Variants in OR51B5 observed in about 807,000 individuals in gnomAD.
The protein encoded by OR51B5 is olfactory receptor family 51 subfamily B member 5.
For missense variants in OR51B5, 456 were observed against 374.6 expected, an observed-to-expected ratio of 1.22 and a Z score of -1.79; for synonymous variants, 186 against 144.8, an observed-to-expected ratio of 1.28 and a Z score of -2.04.
At chr11:5,489,133 G>A in intron 1 of OR51B5, 1 of 1,614,016 alleles carries the variant, frequency 6.2e-7, no homozygotes, top group South Asian at 1.1e-5. Context: ...CAACCATGCT[G>A]TCATAGGCAG....
At chr11:5,360,822 A>T (rs61891983) in intron 1 of OR51B5, among the ~76,000 whole-genome samples, 23,521 of 143,732 alleles carry the variant, frequency 0.16, 2,115 homozygotes, top group Middle Eastern at 0.32. Context: ...TAAAAAATGA[A>T]GAGTTCATGT....
chr11:5,446,055 T>C (rs964823483), intron 1 of OR51B5, among the ~76,000 whole-genome samples: 1 of 151,782 alleles, frequency 6.6e-6, no homozygotes, highest in Admixed American at 6.6e-5. Flanking sequence ...AATTGAACAA[T>C]GAGAACATTT....
intron 1 of OR51B5, among the ~76,000 whole-genome samples, chr11:5,491,612 G>T (rs1484857129): frequency 1.3e-5 from 2 of 152,210 alleles, no homozygotes; most frequent in African/African-American, 4.8e-5. Flanking sequence ...GCCCAGATAA[G>T]AAGACACGGG....
chr11:5,474,593 T>G (rs891743958), intron 1 of OR51B5, among the ~76,000 whole-genome samples: 3 of 152,208 alleles, frequency 2.0e-5, no homozygotes, highest in African/African-American at 7.2e-5. Context: ...GTTTGTTGTT[T>G]ACCCAGAAAT....
At chr11:5,422,432 A>T in intron 1 of OR51B5, 2 of 1,614,054 alleles carry the variant, frequency 1.2e-6, no homozygotes, top group Non-Finnish European at 1.7e-6. Flanking sequence ...TCTCACCCTC[A>T]CCACCCTACC....
intron 1 of OR51B5, among the ~76,000 whole-genome samples, chr11:5,498,999 C>G (rs1851685975): frequency 6.6e-6 from 1 of 152,180 alleles, no homozygotes; most frequent in African/African-American, 2.4e-5. Flanking sequence ...GGTCAGGGAG[C>G]TATTATTCCG....
intron 1 of OR51B5, among the ~76,000 whole-genome samples, chr11:5,402,057 G>A (rs1849979070): frequency 6.6e-6 from 1 of 150,606 alleles, no homozygotes; most frequent in Non-Finnish European, 1.5e-5. Flanking sequence ...TGTTACCCAG[G>A]CATAAGTGTA....
At chr11:5,432,810 C>A (rs572390626) in intron 1 of OR51B5, among the ~76,000 whole-genome samples, 1 of 152,280 alleles carries the variant, frequency 6.6e-6, no homozygotes, top group Non-Finnish European at 1.5e-5. Flanking sequence ...GATTCATGAT[C>A]TTCTCTTGTA....
At chr11:5,351,970 A>G in intron 1 of OR51B5, 2 of 1,613,202 alleles carry the variant, frequency 1.2e-6, no homozygotes, top group South Asian at 1.1e-5. Context: ...TCTGTCCATT[A>G]TGCCAATAGT....
intron 1 of OR51B5, among the ~76,000 whole-genome samples, chr11:5,397,940 C>G (rs1311267986): frequency 1.8e-5 from 2 of 108,890 alleles, no homozygotes; most frequent in Non-Finnish European, 3.7e-5. Flanking sequence ...TCTCAGCAAA[C>G]TATCACAAGG....
chr11:5,364,662 TC>T (rs56914011), intron 1 of OR51B5, among the ~76,000 whole-genome samples: 27,681 of 152,104 alleles, frequency 0.18, 2,729 homozygotes, highest in Middle Eastern at 0.35. Flanking sequence ...TCTCTGAATA[TC>T]TCTGATTTTG....
At chr11:5,422,385 A>G in intron 1 of OR51B5, 2 of 1,614,098 alleles carry the variant, frequency 1.2e-6, no homozygotes, top group Admixed American at 1.7e-5. Flanking sequence ...CAGCGCATGT[A>G]TCTGTTTCTC....
intron 1 of OR51B5, among the ~76,000 whole-genome samples, chr11:5,434,187 G>A (rs1850565544): frequency 1.3e-5 from 2 of 152,258 alleles, no homozygotes; most frequent in South Asian, 4.1e-4. Context: ...CTCCTCAGAT[G>A]AACCCAATGT....
At chr11:5,423,837 C>G (rs74914456) in intron 1 of OR51B5, among the ~76,000 whole-genome samples, 1 of 152,142 alleles carries the variant, frequency 6.6e-6, no homozygotes, top group Non-Finnish European at 1.5e-5. Flanking sequence ...ACAGTTCCTA[C>G]CTTGCTAGAG....
At chr11:5,475,699 A>C (rs1851295103) in intron 1 of OR51B5, among the ~76,000 whole-genome samples, 1 of 152,190 alleles carries the variant, frequency 6.6e-6, no homozygotes, top group Non-Finnish European at 1.5e-5. Context: ...AATTCCATGA[A>C]ACATGACCAT....
intron 1 of OR51B5, among the ~76,000 whole-genome samples, chr11:5,405,028 C>G (rs78816280): frequency 6.6e-6 from 1 of 152,210 alleles, no homozygotes; most frequent in Non-Finnish European, 1.5e-5. Context: ...CCCACCGTTG[C>G]AGAAACTCTT....
At chr11:5,417,724 A>G (rs1307066281) in intron 1 of OR51B5, among the ~76,000 whole-genome samples, 3 of 151,574 alleles carry the variant, frequency 2.0e-5, no homozygotes, top group Non-Finnish European at 4.4e-5. Flanking sequence ...CCACAATGAG[A>G]TATCATCTCA....
At chr11:5,386,161 T>A (rs959946616) in intron 1 of OR51B5, among the ~76,000 whole-genome samples, 1 of 151,982 alleles carries the variant, frequency 6.6e-6, no homozygotes, top group African/African-American at 2.4e-5. Context: ...ACAGGGGTGG[T>A]TTTTGCCAAG....
intron 1 of OR51B5, among the ~76,000 whole-genome samples, chr11:5,470,731 C>G (rs1017388370): frequency 2.6e-5 from 4 of 152,218 alleles, no homozygotes; most frequent in Non-Finnish European, 5.9e-5. Flanking sequence ...ATATTTCTCA[C>G]CCTCTCCTAT....
Sources: allele counts gnomAD v4.1 joint callset (sites outside exome capture counted in the v4.1 genomes callset), GRCh38; gene constraint gnomAD v4.1.1; transcripts MANE v1.5; gene names NCBI Gene and HGNC (gene_info 2026-07-23, HGNC 2026-07-21).